The following GCH1 variants were observed in gnomAD, a reference collection of about 807,000 sequenced individuals.
GCH1 encodes GTP cyclohydrolase 1.
Under a neutral mutation model 25.9 loss-of-function variants are expected in GCH1, and 5 were observed. That is an observed-to-expected ratio of 0.19 (90% confidence interval 0.10 to 0.41). The LOEUF (loss-of-function observed/expected upper bound fraction) is 0.41. GCH1 is among the 10% of genes least tolerant of loss of function. The pLI, the probability that GCH1 is intolerant of heterozygous loss-of-function variation, is 1.00. For synonymous variants in GCH1, 159 were observed against 129.6 expected (o/e 1.23, Z -1.54); for missense variants, 261 against 336.5 (o/e 0.78, Z 1.75).
At chr14:54,844,606 G>C (rs189842122) in intron 5 of GCH1, among the ~76,000 whole-genome samples, 3 of 152,286 alleles carry the variant, frequency 2.0e-5, no homozygotes, top group Admixed American at 2.0e-4. Flanking sequence ...GATGTCACCA[G>C]GCAGAATTCA....
chr14:54,857,913 T>C (rs540888740), intron 3 of GCH1, among the ~76,000 whole-genome samples: 1 of 152,292 alleles, frequency 6.6e-6, no homozygotes, highest in South Asian at 2.1e-4. Context: ...CTTATTCCAG[T>C]GAAGCAATTA....
In GCH1 at chr14:54,844,079, A is replaced by G. The variant is rs915108762; in HGVS notation, c.691T>C (p.Leu231=). The G allele has an allele frequency of 8.1e-6, 13 of 1,613,902 alleles. No homozygotes were observed. Among genetic ancestry groups the G allele is most frequent in the Non-Finnish European group, 1.0e-5 (12 of 1,179,896 alleles). ...MNSKTVTSTM[L]GVFREDPKTR... ...TTTGGATCCTCCCGGAACACACCCA[A>G]CATTGTGCTGGTCACAGTTTTGCTG... Residue 231 remains leucine, a synonymous_variant, in exon 6 of 6, where the codon TTG becomes CTG. Coordinates refer to ENST00000491895, the MANE Select transcript of GCH1 (RefSeq NM_000161.3).
intron 3 of GCH1, among the ~76,000 whole-genome samples, chr14:54,858,282 CTT>C (rs974332737): frequency 3.3e-5 from 5 of 152,132 alleles, no homozygotes; most frequent in African/African-American, 1.2e-4. Context: ...ATTTATTCCT[CTT>C]CTTTTATTTT....
intron 1 of GCH1, among the ~76,000 whole-genome samples, chr14:54,896,602 T>C (rs1000880574): frequency 9.2e-5 from 14 of 152,110 alleles, no homozygotes; most frequent in African/African-American, 3.4e-4. Context: ...CACACAATTA[T>C]GCCTATAAAA....
intron 1 of GCH1, among the ~76,000 whole-genome samples, chr14:54,894,804 C>T (rs553430135): frequency 6.6e-6 from 1 of 152,266 alleles, no homozygotes; most frequent in African/African-American, 2.4e-5. Context: ...ATGAACACAA[C>T]TAAGTCCTAT....
chr14:54,894,799 C>G (rs2040464377), intron 1 of GCH1, among the ~76,000 whole-genome samples: 1 of 152,136 alleles, frequency 6.6e-6, no homozygotes, highest in Non-Finnish European at 1.5e-5. Context: ...TGGCAATGAA[C>G]ACAACTAAGT....
chr14:54,853,443 G>A (rs1439678752), intron 3 of GCH1, among the ~76,000 whole-genome samples: 1 of 152,182 alleles, frequency 6.6e-6, no homozygotes, highest in Admixed American at 6.5e-5. Flanking sequence ...GAAAAGGGAG[G>A]ACAGAATCCA....
intron 1 of GCH1, among the ~76,000 whole-genome samples, chr14:54,867,613 A>AAG (rs1460696849): frequency 6.6e-6 from 1 of 150,880 alleles, no homozygotes; most frequent in African/African-American, 2.4e-5. Context: ...AAAAAAAAAA[A>AAG]AGATCTGGCT....
intron 3 of GCH1, among the ~76,000 whole-genome samples, chr14:54,849,299 C>T (rs2039690267): frequency 6.6e-6 from 1 of 152,036 alleles, no homozygotes; most frequent in East Asian, 1.9e-4. Context: ...AATATGAAAC[C>T]TAACACATCT....
chr14:54,897,293 A>C (rs1186592592), intron 1 of GCH1, among the ~76,000 whole-genome samples: 1 of 118,132 alleles, frequency 8.5e-6, no homozygotes, highest in Non-Finnish European at 1.7e-5. Flanking sequence ...ACCTCTACTC[A>C]CTTTTTTTTT....
intron 3 of GCH1, among the ~76,000 whole-genome samples, chr14:54,855,717 G>A (rs7153566): frequency 0.014 from 2,074 of 151,860 alleles, 32 homozygotes; most frequent in African/African-American, 0.046. Flanking sequence ...GGGAGGCTGA[G>A]GCAGGAGAAT....
intron 1 of GCH1, chr14:54,885,665 G>A (rs1392659850): frequency 3.2e-5 from 8 of 251,828 alleles, no homozygotes; most frequent in Non-Finnish European, 6.3e-5. Context: ...AAGGCAGGGG[G>A]ATTACCTGAG....
intron 1 of GCH1, among the ~76,000 whole-genome samples, chr14:54,900,242 C>G (rs1223443905): frequency 6.8e-6 from 1 of 148,056 alleles, no homozygotes; most frequent in Non-Finnish European, 1.5e-5. Context: ...CAGAGTCTCC[C>G]TCTGTCGTCC....
chr14:54,850,628 T>C (rs145910844), intron 3 of GCH1, among the ~76,000 whole-genome samples: 3 of 152,130 alleles, frequency 2.0e-5, no homozygotes. Flanking sequence ...CCTAATGCTA[T>C]CCCTCCCTGC....
intron 2 of GCH1, among the ~76,000 whole-genome samples, chr14:54,862,377 CTCTTTTTTTTTTT>C (rs1412423333): frequency 1.3e-4 from 15 of 115,816 alleles, no homozygotes; most frequent in African/African-American, 4.9e-4. Flanking sequence ...TGAAGCACTA[CTCTTTTTTTTTTT>C]TTTTTTTTTT....
intron 3 of GCH1, among the ~76,000 whole-genome samples, chr14:54,850,619 C>T (rs2039714550): frequency 6.6e-6 from 1 of 152,108 alleles, no homozygotes; most frequent in Non-Finnish European, 1.5e-5. Flanking sequence ...GGTATATCTC[C>T]TAATGCTATC....
At chr14:54,850,525 C>T (rs931098799) in intron 3 of GCH1, among the ~76,000 whole-genome samples, 2 of 151,868 alleles carry the variant, frequency 1.3e-5, no homozygotes, top group African/African-American at 2.4e-5. Context: ...TTCTAGGGTA[C>T]ATGTGCACAA....
chr14:54,888,384 C>T (rs2040380186), intron 1 of GCH1, among the ~76,000 whole-genome samples: 1 of 152,196 alleles, frequency 6.6e-6, no homozygotes, highest in Non-Finnish European at 1.5e-5. Flanking sequence ...AGTCCTACTG[C>T]CTCTCCCTTC....
chr14:54,847,084 A>G lies in GCH1; in HGVS notation c.541+15T>C, dbSNP rs780398294. ...AGAAAAATGTTTTCTGTTAATACAG[A>G]TTTTTAAAGCTTACCTTGTAGTCTT... is the stretch of plus-strand genomic sequence containing the variant. On this transcript the variant is annotated intron_variant, in intron 4 of 5. Transcript: ENST00000491895. The G allele has an allele frequency of 5.4e-6, 5 of 924,146 alleles. No homozygotes were observed. The highest frequency in any genetic ancestry group is 4.1e-5 in the Admixed American group (2 of 49,358). 57.2% of individuals were successfully genotyped at this position (924,146 alleles called of 1,614,324 possible).
Sources: allele counts gnomAD v4.1 joint callset (sites outside exome capture counted in the v4.1 genomes callset), GRCh38; gene constraint gnomAD v4.1.1; transcripts MANE v1.5; gene names NCBI Gene and HGNC (gene_info 2026-07-23, HGNC 2026-07-21).